Variants in KCNH1 observed in about 807,000 individuals in gnomAD.
KCNH1 encodes potassium voltage-gated channel subfamily H member 1, also known as voltage-gated delayed rectifier potassium channel KCNH1.
A neutral mutation model predicts 69.2 loss-of-function variants in KCNH1; 27 were observed. That is an observed-to-expected ratio of 0.39 (90% confidence interval 0.29 to 0.54). The LOEUF is 0.54. KCNH1 is among the 20% of genes least tolerant of loss of function. The pLI is 0.68. For missense variants in KCNH1, 798 were observed against 1,261.6 expected (o/e 0.63, Z 5.57); for synonymous variants, 456 against 487.7 (o/e 0.93, Z 0.86).
At chr1:211,121,611 A>T (rs760176815) in intron 1 of KCNH1, among the ~76,000 whole-genome samples, 1 of 152,232 alleles carries the variant, frequency 6.6e-6, no homozygotes, top group East Asian at 1.9e-4. Context: ...CATTCAGGAC[A>T]TGGGCATGGG....
At chr1:210,992,594 A>G (rs1688956726) in intron 6 of KCNH1, among the ~76,000 whole-genome samples, 1 of 151,958 alleles carries the variant, frequency 6.6e-6, no homozygotes, top group Non-Finnish European at 1.5e-5. Context: ...ATTTTTTTGG[A>G]TTGAGACATA....
intron 6 of KCNH1, among the ~76,000 whole-genome samples, chr1:210,936,036 A>C (rs2102582125): frequency 6.6e-6 from 1 of 152,330 alleles, no homozygotes; most frequent in Non-Finnish European, 1.5e-5. Flanking sequence ...TTTCTGCCAT[A>C]GACAGGGAAA....
Position 211,039,742 on chromosome 1 carries a change from T to C in KCNH1, c.559-20486A>G, listed in dbSNP as rs140747875. 5.2e-3 allele frequency among the ~76,000 whole-genome samples: 799 copies of C among 152,262 alleles called. 8 individuals carry two copies. Among genetic ancestry groups the C allele is most frequent in the African/African-American group, 0.018 (767 of 41,564 alleles). On this transcript the variant is annotated intron_variant, in intron 5 of 10. Coordinates refer to ENST00000271751, the MANE Select transcript of KCNH1 (RefSeq NM_172362.3). ...CTTTGATTTGGCCAATTTCTCCCAT[T>C]TGGAACAGCTGCATTTACCCAGTAC...
intron 5 of KCNH1, among the ~76,000 whole-genome samples, chr1:211,057,658 A>C (rs114264256): frequency 0.026 from 3,987 of 152,052 alleles, 90 homozygotes; most frequent in African/African-American, 0.054. Context: ...AGAAAAAGAA[A>C]GAAGAAAACA....
chr1:210,736,539 A>AT (rs1322892551), intron 10 of KCNH1, among the ~76,000 whole-genome samples: 1 of 151,296 alleles, frequency 6.6e-6, no homozygotes, highest in African/African-American at 2.4e-5. Context: ...GTGAAACTCC[A>AT]TCCCCCCTCC....
At chr1:210,712,876 T>C (rs1326054312) in intron 10 of KCNH1, among the ~76,000 whole-genome samples, 1 of 152,140 alleles carries the variant, frequency 6.6e-6, no homozygotes, top group Admixed American at 6.6e-5. Flanking sequence ...GCCAAGGCCT[T>C]GAAGAAGTTA....
At chr1:211,072,534 T>C (rs1690664546) in intron 5 of KCNH1, among the ~76,000 whole-genome samples, 1 of 152,236 alleles carries the variant, frequency 6.6e-6, no homozygotes, top group Admixed American at 6.5e-5. Flanking sequence ...TATTCAATTA[T>C]GCTTGTATAT....
intron 6 of KCNH1, among the ~76,000 whole-genome samples, chr1:210,994,321 G>T (rs1445647321): frequency 6.6e-6 from 1 of 152,138 alleles, no homozygotes; most frequent in African/African-American, 2.4e-5. Flanking sequence ...CCTATTGTGT[G>T]CCAGCAACTG....
chr1:210,851,958 G>A (rs1055564767), intron 7 of KCNH1, among the ~76,000 whole-genome samples: 1 of 152,160 alleles, frequency 6.6e-6, no homozygotes, highest in African/African-American at 2.4e-5. Context: ...AGGATATTCT[G>A]GTGAGCAAAT....
At chr1:210,738,651 A>C (rs966892167) in intron 10 of KCNH1, among the ~76,000 whole-genome samples, 1 of 146,948 alleles carries the variant, frequency 6.8e-6, no homozygotes, top group Admixed American at 7.1e-5. Flanking sequence ...TGCAGCCTCA[A>C]ACTCCTGGGC....
intron 5 of KCNH1, among the ~76,000 whole-genome samples, chr1:211,059,366 A>T (rs1272835032): frequency 6.6e-6 from 1 of 152,066 alleles, no homozygotes; most frequent in African/African-American, 2.4e-5. Flanking sequence ...TAGCCAGAGG[A>T]TATAACAATT....
chr1:210,741,238 T>G (rs1466699040), intron 10 of KCNH1, among the ~76,000 whole-genome samples: 5 of 152,214 alleles, frequency 3.3e-5, no homozygotes, highest in Admixed American at 2.0e-4. Flanking sequence ...ATTGCAAACT[T>G]CTTTATTTTG....
At chr1:210,742,468 TA>T (rs1351526958) in intron 10 of KCNH1, among the ~76,000 whole-genome samples, 2 of 152,200 alleles carry the variant, frequency 1.3e-5, no homozygotes, top group African/African-American at 4.8e-5. Context: ...CCTGCTTTCC[TA>T]TGGGCTCAAG....
chr1:210,952,841 A>G (rs1396649828), intron 6 of KCNH1, among the ~76,000 whole-genome samples: 4 of 152,210 alleles, frequency 2.6e-5, no homozygotes, highest in African/African-American at 9.6e-5. Flanking sequence ...TATCATGAGA[A>G]TATTATTGGT....
At chr1:210,802,898 T>TTAAACAAAA (rs1558476057) in intron 8 of KCNH1, among the ~76,000 whole-genome samples, 2 of 152,050 alleles carry the variant, frequency 1.3e-5, no homozygotes, top group African/African-American at 4.8e-5. Flanking sequence ...GTTCTGCACA[T>TTAAACAAAA]GTACCCCAGA....
At chr1:211,047,933 C>A in intron 5 of KCNH1, among the ~76,000 whole-genome samples, 2 of 146,646 alleles carry the variant, frequency 1.4e-5, no homozygotes, top group Non-Finnish European at 1.5e-5. Flanking sequence ...TACAAATGGC[C>A]AACAAACATA....
At chr1:211,016,583 G>A (rs1350760613) in intron 6 of KCNH1, among the ~76,000 whole-genome samples, 1 of 152,068 alleles carries the variant, frequency 6.6e-6, no homozygotes, top group African/African-American at 2.4e-5. Context: ...TGTGCTCACA[G>A]AGAAAAGTAT....
At chr1:210,761,974 T>G in intron 10 of KCNH1, among the ~76,000 whole-genome samples, 1 of 152,138 alleles carries the variant, frequency 6.6e-6, no homozygotes. Context: ...GAACGTACTC[T>G]AAGACTGACC....
intron 6 of KCNH1, among the ~76,000 whole-genome samples, chr1:210,920,787 G>A (rs1053118033): frequency 2.0e-5 from 3 of 152,238 alleles, no homozygotes; most frequent in African/African-American, 7.2e-5. Context: ...ATTCTTAGAA[G>A]GCCATATCAC....
Sources: gnomAD v4.1 joint callset for allele counts (sites outside exome capture counted in the v4.1 genomes callset) on GRCh38, gnomAD v4.1.1 for gene constraint, MANE v1.5 for transcripts, NCBI Gene and HGNC (gene_info 2026-07-23, HGNC 2026-07-21) for gene names.